ARNT: variants seen among roughly 807,000 people sequenced by gnomAD.
The protein encoded by ARNT is aryl hydrocarbon receptor nuclear translocator.
A neutral mutation model predicts 105.0 loss-of-function variants in ARNT; 30 were observed. The observed-to-expected ratio is 0.29, with a 90% CI of 0.21 to 0.39. The LOEUF (loss-of-function observed/expected upper bound fraction) is 0.39, where lower values mean the gene tolerates loss of function less well. ARNT is among the 10% of genes least tolerant of loss of function. The probability of loss-of-function intolerance (pLI) is 1.00; values close to 1 mark genes in which losing one functional copy is unlikely to be tolerated. For missense variants in ARNT, 748 were observed against 978.7 expected (o/e 0.76, Z 3.15); for synonymous variants, 304 against 344.0 (o/e 0.88, Z 1.29).
rs778047148 is a variant in ARNT at position 150,810,983 on chromosome 1, G to A, written c.*1038C>T. Reference sequence around the variant, plus strand: ...CAACAATGAGGATTTTCACTGGGACGGCTAATCCAAGAAGTTGAGTTTCCA... The same window carrying A: ...CAACAATGAGGATTTTCACTGGGACAGCTAATCCAAGAAGTTGAGTTTCCA... On this transcript the variant is annotated 3_prime_UTR_variant, in exon 22 of 22. Coordinates refer to ENST00000358595, the MANE Select transcript of ARNT (RefSeq NM_001668.4). The A allele has an allele frequency of 8.7e-6, 2 of 229,946 alleles. No individual in the cohort carries two copies. The highest frequency in any genetic ancestry group is 6.2e-5 in the East Asian group (1 of 16,242). The allele number at this position is 229,946 out of a possible 1,614,324, so 14.2% of individuals were successfully genotyped here. A position where few individuals can be genotyped will look rare whatever the true frequency, so the allele number is the denominator to read the frequency against.
chr1:150,826,440 T>C, intron 13 of ARNT, 103 bp downstream of exon 13: 2 of 908,234 alleles, frequency 2.2e-6, no homozygotes, highest in Non-Finnish European at 3.5e-6. Context: ...CTAAAGAACA[T>C]AAAACTGTAG....
chr1:150,836,579 G>T (rs1660369181), intron 6 of ARNT, 86 bp from the exon 7 acceptor site: 11 of 1,336,670 alleles, frequency 8.2e-6, no homozygotes, highest in Non-Finnish European at 9.2e-6. Flanking sequence ...GACACTTCAG[G>T]CCACATGCAT....
chr1:150,876,031 T>A (rs1382458926), intron 1 of ARNT, among the ~76,000 whole-genome samples: 4 of 152,332 alleles, frequency 2.6e-5, no homozygotes, highest in South Asian at 4.1e-4. Flanking sequence ...AGAAACGTCG[T>A]ATATATCAAA....
rs1289630868 is a variant in ARNT, at chr1:150,851,200, G to A, written c.182+1562C>T. Reference sequence around the variant, plus strand: ...CACCCCGTCCAGGAGAGAGGCGGGGGCCAGCCCCCGCCCGGCCAGCCGCCC... The same window carrying A: ...CACCCCGTCCAGGAGAGAGGCGGGGACCAGCCCCCGCCCGGCCAGCCGCCC... On this transcript the variant is annotated intron_variant, in intron 3 of 21. Transcript: ENST00000358595. Among the ~76,000 whole-genome samples the A allele has an allele frequency of 2.0e-5, 3 of 148,418 alleles. 1 individual carries two copies. The highest frequency in any genetic ancestry group is 5.0e-5 in the African/African-American group (2 of 40,226).
chr1:150,825,056 T>A (rs1657925489), intron 13 of ARNT, among the ~76,000 whole-genome samples: 1 of 151,584 alleles, frequency 6.6e-6, no homozygotes, highest in Admixed American at 6.6e-5. Flanking sequence ...GAGACAGGGT[T>A]TCAAGATGTT....
chr1:150,869,306 T>C (rs1430873667), intron 1 of ARNT, among the ~76,000 whole-genome samples: 1 of 151,840 alleles, frequency 6.6e-6, no homozygotes, highest in Admixed American at 6.6e-5. Context: ...TGAAACCCCA[T>C]CTCCACTAAA....
intron 1 of ARNT, among the ~76,000 whole-genome samples, chr1:150,874,827 A>T (rs1034661875): frequency 6.6e-6 from 1 of 152,224 alleles, no homozygotes; most frequent in African/African-American, 2.4e-5. Flanking sequence ...TTCATTAACA[A>T]GGATTCTGCA....
At chr1:150,813,127 T>C in intron 21 of ARNT, 45 bp downstream of exon 21, 3 of 1,592,028 alleles carry the variant, frequency 1.9e-6, no homozygotes, top group Non-Finnish European at 2.6e-6. Context: ...CCTGGACCCT[T>C]TCTCTCCCAG....
At chr1:150,837,075 A>G (rs1660467351) in intron 6 of ARNT, among the ~76,000 whole-genome samples, 1 of 152,124 alleles carries the variant, frequency 6.6e-6, no homozygotes, top group Non-Finnish European at 1.5e-5. Flanking sequence ...CTCAAAAAAA[A>G]AAAGGCTTAC....
intron 1 of ARNT, among the ~76,000 whole-genome samples, chr1:150,862,981 G>A (rs777004706): frequency 1.3e-5 from 2 of 151,196 alleles, no homozygotes; most frequent in African/African-American, 4.9e-5. Flanking sequence ...AACACAAAAG[G>A]CGGAGGTTGC....
intron 12 of ARNT, among the ~76,000 whole-genome samples, chr1:150,828,386 T>C (rs1226239590): frequency 6.8e-6 from 1 of 147,316 alleles, no homozygotes; most frequent in Non-Finnish European, 1.5e-5. Context: ...ATCCAATTGT[T>C]CCATTTGTTA....
rs1212518203 is a variant in ARNT, at chr1:150,814,177, C to A, written c.2013G>T (p.Gln671His). 1.1e-5 allele frequency: 17 copies of A among 1,614,048 alleles called. No homozygotes were observed. The highest frequency in any genetic ancestry group is 1.4e-5 in the Non-Finnish European group (16 of 1,180,042). Residue 671 changes from glutamine to histidine, a missense_variant, in exon 20 of 22, where the codon CAG becomes CAT. Gln to His is a conservative substitution (Grantham distance 24). Transcript: ENST00000358595. ...RTSQFGVGSF[Q>H]TPSSFSSMSL... ...ACATGGAGCTGAAGGAGGATGGAGT[C>A]TGAAAGCTGCCCACACCAAACTGGG... is the stretch of plus-strand genomic sequence containing the variant.
At chr1:150,817,287 A>G in intron 16 of ARNT, 74 bp downstream of exon 16, 1 of 1,611,040 alleles carries the variant, frequency 6.2e-7, no homozygotes. Context: ...ACATATGTAC[A>G]TTCTAACTAG....
intron 1 of ARNT, among the ~76,000 whole-genome samples, chr1:150,875,869 T>A (rs891170232): frequency 6.6e-6 from 1 of 152,154 alleles, no homozygotes; most frequent in African/African-American, 2.4e-5. Flanking sequence ...GCTGTGGAAC[T>A]AAAGACCTGT....
At chr1:150,840,484 C>G (rs889876076) in intron 5 of ARNT, among the ~76,000 whole-genome samples, 3 of 152,152 alleles carry the variant, frequency 2.0e-5, no homozygotes, top group Non-Finnish European at 4.4e-5. Flanking sequence ...TATGGTAAGC[C>G]TCTCTCTTAT....
chr1:150,819,283 G>A (rs1656584643), intron 14 of ARNT, among the ~76,000 whole-genome samples: 1 of 151,944 alleles, frequency 6.6e-6, no homozygotes, highest in African/African-American at 2.4e-5. Context: ...CAGAGCTCCT[G>A]GGAATGCAAA....
intron 2 of ARNT, 43 bp downstream of exon 2, chr1:150,858,306 G>C (rs769761614): frequency 2.2e-5 from 32 of 1,460,306 alleles, no homozygotes. Flanking sequence ...ACTAAAGTTG[G>C]TTTATAGGAG....
At chr1:150,850,988 T>C (rs1205494724) in intron 3 of ARNT, among the ~76,000 whole-genome samples, 1 of 91,352 alleles carries the variant, frequency 1.1e-5, no homozygotes, top group Non-Finnish European at 2.2e-5. Flanking sequence ...CGTCTGAGAA[T>C]TGAGGAGCCC....
At chr1:150,834,961 AC>A in intron 7 of ARNT, 1 of 256,512 alleles carries the variant, frequency 3.9e-6, no homozygotes. Flanking sequence ...ATACAGACAT[AC>A]ATACAGAGTA....
Sources: gnomAD v4.1 joint callset for allele counts (sites outside exome capture counted in the v4.1 genomes callset) on GRCh38, gnomAD v4.1.1 for gene constraint, MANE v1.5 for transcripts, NCBI Gene and HGNC (gene_info 2026-07-23, HGNC 2026-07-21) for gene names.